Variants in NCF2 observed in about 807,000 individuals in gnomAD.
The protein encoded by NCF2 is neutrophil cytosol factor 2.
In NCF2, 45 loss-of-function variants were observed where a neutral mutation model predicts 70.9. The ratio of observed to expected loss-of-function variants is 0.63; its 90% confidence interval spans 0.50 to 0.81. The LOEUF (loss-of-function observed/expected upper bound fraction) is 0.81, where lower values mean the gene tolerates loss of function less well. Ranked by LOEUF, NCF2 falls within the 40% of genes least tolerant of loss-of-function variation. NCF2 has a pLI of 0.00. For synonymous variants in NCF2, 203 were observed against 233.6 expected, an observed-to-expected ratio of 0.87 and a Z score of 1.19; for missense variants, 522 against 631.6, an observed-to-expected ratio of 0.83 and a Z score of 1.86.
At chr1:183,560,005 T>G in intron 14 of NCF2, 91 bp downstream of exon 14, 2 of 1,400,530 alleles carry the variant, frequency 1.4e-6, no homozygotes, top group Non-Finnish European at 2.0e-6. Context: ...AAAGTTTTGT[T>G]TGTAGATTAT....
chr1:183,563,877 G>T, intron 11 of NCF2, 128 bp downstream of exon 11: 1 of 1,095,452 alleles, frequency 9.1e-7, no homozygotes, highest in Non-Finnish European at 1.4e-6. Flanking sequence ...CATGGACTCT[G>T]TAAGGTAGCA....
the NCF2 span, among the ~76,000 whole-genome samples, chr1:183,599,160 T>C: frequency 6.6e-6 from 1 of 152,074 alleles, no homozygotes; most frequent in African/African-American, 2.4e-5. Flanking sequence ...AGTGGGAGGA[T>C]TTACTTGAAG....
intron 1 of NCF2, 42 bp downstream of exon 1, chr1:183,590,114 C>G: frequency 6.2e-7 from 1 of 1,613,286 alleles, no homozygotes; most frequent in South Asian, 1.1e-5. Context: ...ATCATAATAA[C>G]AAATGCACAG....
chr1:183,565,875 G>A, intron 9 of NCF2, 96 bp from the exon 10 acceptor site: 1 of 1,182,852 alleles, frequency 8.5e-7, no homozygotes, highest in Non-Finnish European at 1.3e-6. Context: ...CCCATGTAAA[G>A]GAGCCACATG....
At chr1:183,581,850 G>C (rs965087650) in intron 2 of NCF2, among the ~76,000 whole-genome samples, 14 of 152,174 alleles carry the variant, frequency 9.2e-5, no homozygotes, top group Admixed American at 2.6e-4. Context: ...TGTGTTTTTA[G>C]TAGAGCCAGG....
intron 2 of NCF2, among the ~76,000 whole-genome samples, chr1:183,579,204 A>C (rs544280233): frequency 6.6e-6 from 1 of 152,298 alleles, no homozygotes; most frequent in East Asian, 1.9e-4. Flanking sequence ...GGGGGACCCT[A>C]GCAAGTCACT....
In NCF2 at chr1:183,590,269, CCTT is replaced by C; in HGVS notation, c.58_60del (p.Lys20del). ...AAGGCATCCAGGGCTCCCTTCCAGT[CCTT>C]CTTGTCCGCTGCCAGCACCCCTTCA... On this transcript the variant is annotated inframe_deletion, in exon 1 of 15. Coordinates refer to ENST00000367535, the MANE Select transcript of NCF2 (RefSeq NM_000433.4). The C allele has an allele frequency of 6.2e-7, 1 of 1,614,144 alleles. No individual in the cohort carries two copies. Among genetic ancestry groups the C allele is most frequent in the Non-Finnish European group, 8.5e-7 (1 of 1,180,022 alleles).
At chr1:183,574,695 A>G (rs1431269001) in intron 3 of NCF2, 74 bp from the exon 4 acceptor site, 8 of 1,555,580 alleles carry the variant, frequency 5.1e-6, no homozygotes, top group South Asian at 1.1e-5. Context: ...GCTCACACGT[A>G]TACTCTGAGA....
intron 2 of NCF2, 139 bp downstream of exon 2, chr1:183,586,756 C>A (rs1030169808): frequency 1.3e-5 from 10 of 784,972 alleles, no homozygotes; most frequent in Admixed American, 5.8e-5. Flanking sequence ...TGATTTATTG[C>A]ATAACTGTCC....
chr1:183,573,986 C>T (rs969452113), intron 4 of NCF2, among the ~76,000 whole-genome samples: 5 of 152,134 alleles, frequency 3.3e-5, no homozygotes, highest in Admixed American at 6.5e-5. Flanking sequence ...GCTACTTGGG[C>T]GGCTGAGGCA....
chr1:183,587,018 A>G, intron 1 of NCF2, 41 bp from the exon 2 acceptor site: 1 of 1,570,934 alleles, frequency 6.4e-7, no homozygotes, highest in Non-Finnish European at 8.8e-7. Context: ...GATGCAAGGC[A>G]GTGAGGAGGT....
At chr1:183,583,771 G>A (rs547285774) in intron 2 of NCF2, among the ~76,000 whole-genome samples, 1 of 152,386 alleles carries the variant, frequency 6.6e-6, no homozygotes, top group South Asian at 2.1e-4. Flanking sequence ...GAGGATGCAT[G>A]AGTGGGTGGC....
chr1:183,574,310 G>A (rs1672700352), intron 4 of NCF2, among the ~76,000 whole-genome samples, 177 bp downstream of exon 4: 1 of 152,064 alleles, frequency 6.6e-6, no homozygotes, highest in African/African-American at 2.4e-5. Context: ...CATACTCTAG[G>A]CCTCAGCTTC....
chr1:183,578,209 T>A (rs1035315213), intron 2 of NCF2, among the ~76,000 whole-genome samples: 2 of 152,178 alleles, frequency 1.3e-5, no homozygotes, highest in African/African-American at 4.8e-5. Flanking sequence ...TCCTGCCCAC[T>A]GCCTTCGCCC....
intron 2 of NCF2, among the ~76,000 whole-genome samples, chr1:183,578,764 T>A (rs1278346097): frequency 6.6e-6 from 1 of 152,226 alleles, no homozygotes; most frequent in Non-Finnish European, 1.5e-5. Flanking sequence ...GTCCTGGGAC[T>A]TGTAGCAGAG....
upstream of NCF2, chr1:183,590,475 T>A: frequency 3.6e-6 from 3 of 829,502 alleles, no homozygotes; most frequent in South Asian, 4.3e-5. Flanking sequence ...CCAGCCTCCC[T>A]TAAGATAACT....
Position 183,574,620 on chromosome 1 carries a change from AC to A in NCF2, c.367del (p.Val123CysfsTer22). On this transcript the variant is annotated frameshift_variant and splice_region_variant, in exon 4 of 15. Transcript: ENST00000367535. LOFTEE classifies it high-confidence loss of function. ...GLQFKLFACE[V>X]LYNIAFMYAK... Reference sequence around the variant, plus strand: ...ATACATGAAAGCAATGTTATATAACACCTAGAAAAGTACAGACCGCAACATA... The same window carrying A: ...ATACATGAAAGCAATGTTATATAACACTAGAAAAGTACAGACCGCAACATA... The A allele has an allele frequency of 6.2e-7, 1 of 1,614,160 alleles. No individual in the cohort carries two copies. The highest frequency in any genetic ancestry group is 1.3e-5 in the African/African-American group (1 of 75,030).
At chr1:183,595,082 T>C (rs1036889426), upstream of NCF2, among the ~76,000 whole-genome samples, 1 of 152,220 alleles carries the variant, frequency 6.6e-6, no homozygotes, top group African/African-American at 2.4e-5. Context: ...AAAAATATAA[T>C]TTTGTAAAGT....
chr1:183,568,185 C>T (rs369332876), intron 7 of NCF2, among the ~76,000 whole-genome samples: 9 of 150,662 alleles, frequency 6.0e-5, no homozygotes, highest in East Asian at 2.0e-4. Context: ...TTTTTTGAGA[C>T]GGAATCTTGG....
Sources: gnomAD v4.1 joint callset for allele counts (sites outside exome capture counted in the v4.1 genomes callset) on GRCh38, gnomAD v4.1.1 for gene constraint, MANE v1.5 for transcripts, NCBI Gene and HGNC (gene_info 2026-07-23, HGNC 2026-07-21) for gene names.